Variants in WDPCP observed in about 807,000 individuals in gnomAD.
WDPCP encodes WD repeat containing planar cell polarity effector.
A neutral mutation model predicts 93.1 loss-of-function variants in WDPCP; 71 were observed. The ratio of observed to expected loss-of-function variants is 0.76; its 90% CI spans 0.63 to 0.93. WDPCP has a LOEUF of 0.93. Ranked by LOEUF, WDPCP falls within the 40% of genes least tolerant of loss-of-function variation. WDPCP has a pLI of 0.00. For missense variants in WDPCP, 844 were observed against 887.4 expected (o/e 0.95, Z 0.62); for synonymous variants, 315 against 315.0 (o/e 1.00, Z 0.00).
intron 2 of WDPCP, chr2:63,717,428 C>G: frequency 2.6e-6 from 1 of 390,032 alleles, no homozygotes; most frequent in South Asian, 2.1e-5. Flanking sequence ...CCCTGAATGC[C>G]AGAGGCTGCT....
chr2:63,744,171 C>G (rs1195019207), intron 2 of WDPCP, among the ~76,000 whole-genome samples: 2 of 152,094 alleles, frequency 1.3e-5, no homozygotes, highest in Non-Finnish European at 2.9e-5. Flanking sequence ...ACAGTTTTAG[C>G]TGCATTGCAC....
intron 2 of WDPCP, among the ~76,000 whole-genome samples, chr2:63,793,877 T>G (rs908819345): frequency 1.1e-5 from 1 of 87,966 alleles, no homozygotes; most frequent in Non-Finnish European, 2.7e-5. Context: ...ACATTGTGTG[T>G]GTGTGTGTGT....
intron 2 of WDPCP, among the ~76,000 whole-genome samples, chr2:63,765,929 A>T (rs988506584): frequency 6.6e-6 from 1 of 152,242 alleles, no homozygotes; most frequent in Non-Finnish European, 1.5e-5. Context: ...TCTCAGTCAC[A>T]TCAGGGCCAG....
chr2:63,640,154 G>A (rs976570457), intron 3 of WDPCP, among the ~76,000 whole-genome samples: 107 of 152,100 alleles, frequency 7.0e-4, no homozygotes, highest in Non-Finnish European at 1.4e-3. Flanking sequence ...GACTACAGGC[G>A]CCCGCCACGA....
intron 13 of WDPCP, among the ~76,000 whole-genome samples, chr2:63,283,906 TA>T (rs1683768349): frequency 2.0e-5 from 3 of 152,192 alleles, no homozygotes; most frequent in South Asian, 4.1e-4. Context: ...TGAGGAATTC[TA>T]ATGAGGAATG....
At chr2:63,754,109 T>C (rs1352841696) in intron 2 of WDPCP, among the ~76,000 whole-genome samples, 2 of 152,230 alleles carry the variant, frequency 1.3e-5, no homozygotes, top group African/African-American at 2.4e-5. Flanking sequence ...AGAGTTGTCA[T>C]CCCTGGTGGC....
At chr2:63,384,803 G>C (rs1692597228) in intron 10 of WDPCP, among the ~76,000 whole-genome samples, 1 of 151,050 alleles carries the variant, frequency 6.6e-6, no homozygotes, top group South Asian at 2.1e-4. Context: ...AATTATAAGA[G>C]AGAATACTTC....
At chr2:63,761,763 G>A (rs1670058530) in intron 2 of WDPCP, among the ~76,000 whole-genome samples, 1 of 152,126 alleles carries the variant, frequency 6.6e-6, no homozygotes, top group Non-Finnish European at 1.5e-5. Flanking sequence ...CCGGCCCACT[G>A]ACTCAAATGT....
chr2:63,786,676 T>C (rs1670470334), intron 2 of WDPCP, among the ~76,000 whole-genome samples: 1 of 152,182 alleles, frequency 6.6e-6, no homozygotes, highest in Admixed American at 6.5e-5. Context: ...AGACACTAAA[T>C]TGTGTTTCAT....
chr2:63,341,668 A>T (rs968333806), intron 12 of WDPCP, among the ~76,000 whole-genome samples: 1 of 152,152 alleles, frequency 6.6e-6, no homozygotes, highest in African/African-American at 2.4e-5. Context: ...ATAACTTTCT[A>T]TTCCCTTCAA....
chr2:63,126,678 T>TG (rs1669930347), intron 17 of WDPCP, among the ~76,000 whole-genome samples: 1 of 148,666 alleles, frequency 6.7e-6, no homozygotes. Flanking sequence ...TTTTTTTTTT[T>TG]TTTTTTTTTT....
chr2:63,156,031 G>A (rs868686564), intron 15 of WDPCP, among the ~76,000 whole-genome samples: 22 of 151,942 alleles, frequency 1.4e-4, no homozygotes, highest in Middle Eastern at 3.2e-3. Context: ...ACAGAGTCTC[G>A]CTCTGTTGCT....
intron 15 of WDPCP, among the ~76,000 whole-genome samples, chr2:63,171,899 T>C (rs560554237): frequency 7.2e-4 from 109 of 152,290 alleles, no homozygotes; most frequent in Non-Finnish European, 1.3e-3. Flanking sequence ...CTCAGTAACA[T>C]AATGCTAAGT....
chr2:63,706,634 G>T, intron 2 of WDPCP, among the ~76,000 whole-genome samples: 1 of 133,290 alleles, frequency 7.5e-6, no homozygotes. Flanking sequence ...TTTTGAGACG[G>T]AGTCTCGCTC....
chr2:63,575,401 A>ATATATACAGTATATACACTGTATACAGTG (rs1707895874), intron 1 of WDPCP, among the ~76,000 whole-genome samples: 2 of 21,470 alleles, frequency 9.3e-5, no homozygotes, highest in Non-Finnish European at 2.0e-4. Context: ...TATATACAGT[A>ATATATACAGTATATACACTGTATACAGTG]TATATACAGT....
intron 10 of WDPCP, among the ~76,000 whole-genome samples, chr2:63,390,438 A>G (rs932111346): frequency 2.0e-5 from 3 of 152,238 alleles, no homozygotes; most frequent in African/African-American, 4.8e-5. Flanking sequence ...AATGCCCTCA[A>G]GAGAAAGCAG....
At chr2:63,489,764 G>C (rs1469225548) in intron 2 of WDPCP, among the ~76,000 whole-genome samples, 1 of 151,972 alleles carries the variant, frequency 6.6e-6, no homozygotes, top group Non-Finnish European at 1.5e-5. Context: ...GAAAACTTGA[G>C]TCCACAGAGA....
intron 8 of WDPCP, among the ~76,000 whole-genome samples, chr2:63,436,785 A>T (rs1173977867): frequency 1.3e-5 from 2 of 152,100 alleles, no homozygotes; most frequent in Non-Finnish European, 2.9e-5. Context: ...AGCAGTTAAA[A>T]TGTAATGTGG....
chr2:63,610,711 G>T (rs1374354337), intron 3 of WDPCP, among the ~76,000 whole-genome samples: 1 of 152,120 alleles, frequency 6.6e-6, no homozygotes, highest in Non-Finnish European at 1.5e-5. Context: ...ATATATGTGT[G>T]TGCATGTAAC....
Sources: gnomAD v4.1 joint callset for allele counts (sites outside exome capture counted in the v4.1 genomes callset) on GRCh38, gnomAD v4.1.1 for gene constraint, MANE v1.5 for transcripts, NCBI Gene and HGNC (gene_info 2026-07-23, HGNC 2026-07-21) for gene names.